The following TUBA4A variants were observed in gnomAD, a reference collection of about 807,000 sequenced individuals.
The protein encoded by TUBA4A is tubulin alpha 4a.
TUBA4A carries 23 observed loss-of-function variants against 34.3 expected under a neutral mutation model. The ratio of observed to expected loss-of-function variants is 0.67; its 90% CI spans 0.48 to 0.95. The LOEUF (loss-of-function observed/expected upper bound fraction) is 0.95, where lower values mean the gene tolerates loss of function less well. TUBA4A is among the 40% of genes least tolerant of loss of function. The probability of loss-of-function intolerance (pLI) is 0.00; values close to 1 mark genes in which losing one functional copy is unlikely to be tolerated. For synonymous variants in TUBA4A, 216 were observed against 230.5 expected, an observed-to-expected ratio of 0.94 and a Z score of 0.57; for missense variants, 279 against 599.0, an observed-to-expected ratio of 0.47 and a Z score of 5.58.
In TUBA4A at chr2:219,251,493, G is replaced by A; in HGVS notation, c.375+72C>T. 6.4e-7 allele frequency: 1 copy of A among 1,566,458 alleles called. No homozygotes were observed. The highest frequency in any genetic ancestry group is 1.2e-5 in the South Asian group (1 of 84,232). ...ATAGTTAGAGATGACCTCCTGAAAGGATCTGAAAAAAAATATTCCTGACCA... is the reference window on the plus strand; with the variant it reads ...ATAGTTAGAGATGACCTCCTGAAAGAATCTGAAAAAAAATATTCCTGACCA... On this transcript the variant is annotated intron_variant, in intron 3 of 3. Coordinates refer to ENST00000248437, the MANE Select transcript of TUBA4A (RefSeq NM_006000.3). This position sits in a 1 kb window ranked among gnomAD's most constrained non-coding sequence, Gnocchi z 6.1.
At chr2:219,253,367 G>T in intron 1 of TUBA4A, 1 of 1,533,962 alleles carries the variant, frequency 6.5e-7, no homozygotes. Context: ...GGGGGGGGTG[G>T]TTCTGTGGAT....
chr2:219,250,766 C>T lies in TUBA4A; in HGVS notation c.933G>A (p.Lys311=). ...QMVKCDPRHG[K]YMACCLLYRG... ...GGTACAGCAGGCAGCAGGCCATGTA[C>T]TTGCCGTGCCGGGGATCACACTTTA... Residue 311 remains lysine, a synonymous_variant, in exon 4 of 4, where the codon AAG becomes AAA. Coordinates refer to ENST00000248437, the MANE Select transcript of TUBA4A (RefSeq NM_006000.3). The surrounding 1 kb of genome is among the most constrained non-coding windows in gnomAD (Gnocchi z 8.4). 1 of 1,614,254 alleles carries T rather than the reference C, an allele frequency of 6.2e-7. No homozygotes were observed. The highest frequency in any genetic ancestry group is 1.3e-5 in the African/African-American group (1 of 75,072).
In TUBA4A at chr2:219,253,342, G is replaced by A; in HGVS notation, c.3+514C>T. 6 of 1,533,492 alleles carry A rather than the reference G, an allele frequency of 3.9e-6. No homozygotes were observed. The South Asian group carries it at 6.0e-5, about 15-fold the overall frequency. 95.0% of individuals were successfully genotyped at this position (1,533,492 alleles called of 1,614,324 possible). On this transcript the variant is annotated intron_variant, in intron 1 of 3. Coordinates refer to ENST00000248437, the MANE Select transcript of TUBA4A (RefSeq NM_006000.3). Reference sequence around the variant, plus strand: ...ACCAACCCTCTCAGCTCAGACGCGGGGTGCTGAGTCACGGGGGGGGGGTGG... The same window carrying A: ...ACCAACCCTCTCAGCTCAGACGCGGAGTGCTGAGTCACGGGGGGGGGGTGG...
In TUBA4A at chr2:219,251,126, G is replaced by T; in HGVS notation, c.573C>A (p.Thr191=). The part of the protein sequence containing the change: ...VVEPYNSILT[T]HTTLEHSDCA... ...AGTCTGAGTGCTCCAGGGTGGTGTGGGTGGTCAGGATAGAGTTGTAGGGCT... is the reference window on the plus strand; with the variant it reads ...AGTCTGAGTGCTCCAGGGTGGTGTGTGTGGTCAGGATAGAGTTGTAGGGCT... The change falls in exon 4 of 4, where the codon ACC becomes ACA. Residue 191 remains threonine (T), a synonymous_variant. Transcript: ENST00000248437. The surrounding 1 kb of genome is among the most constrained non-coding windows in gnomAD (Gnocchi z 6.1). The T allele has an allele frequency of 6.2e-7, 1 of 1,614,176 alleles. No homozygotes were observed. Among genetic ancestry groups the T allele is most frequent in the Non-Finnish European group, 8.5e-7 (1 of 1,180,036 alleles).
intron 1 of TUBA4A, chr2:219,253,458 G>A (rs1951682741): frequency 1.4e-6 from 2 of 1,432,858 alleles, no homozygotes; most frequent in South Asian, 1.2e-5. Flanking sequence ...CCAAGCACGT[G>A]CTCGGTCAGT....
upstream of TUBA4A, chr2:219,254,558 C>T (rs559500391): frequency 2.0e-5 from 3 of 152,340 alleles, no homozygotes; most frequent in Admixed American, 2.0e-4. Flanking sequence ...GGGCCGACCC[C>T]GGAATCTGCC....
rs1206550061 is a variant in TUBA4A, at chr2:219,252,805, A to G, written c.4-575T>C. The G allele has an allele frequency of 2.1e-6, 1 of 471,464 alleles. No homozygotes were observed. The highest frequency in any genetic ancestry group is 4.4e-6 in the Non-Finnish European group (1 of 227,554). 29.2% of individuals were successfully genotyped at this position (471,464 alleles called of 1,614,324 possible). ...ACTTTCATCTCCCGTGTCAGCCCGC[A>G]CGGAAATAGCGGCGGTAATGCTTGT... is the stretch of plus-strand genomic sequence containing the variant. On this transcript the variant is annotated intron_variant, in intron 1 of 3. Coordinates refer to ENST00000248437, the MANE Select transcript of TUBA4A (RefSeq NM_006000.3). The surrounding 1 kb of genome is among the most constrained non-coding windows in gnomAD (Gnocchi z 4.1).
Position 219,251,946 on chromosome 2 carries a change from C to A in TUBA4A, c.226+62G>T. ...AATGCCTGGTCTAAATACCCTCTCT[C>A]TCCAGGGAGAAGCTTTGAGTCATGC... On this transcript the variant is annotated intron_variant, in intron 2 of 3. Coordinates refer to ENST00000248437, the MANE Select transcript of TUBA4A (RefSeq NM_006000.3). This position sits in a 1 kb window ranked among gnomAD's most constrained non-coding sequence, Gnocchi z 6.1. The A allele has an allele frequency of 1.9e-6, 3 of 1,550,860 alleles. No homozygotes were observed. The highest frequency in any genetic ancestry group is 2.7e-6 in the Non-Finnish European group (3 of 1,127,634).
chr2:219,253,613 G>T (rs933640724), intron 1 of TUBA4A, among the ~76,000 whole-genome samples: 5 of 152,106 alleles, frequency 3.3e-5, no homozygotes, highest in African/African-American at 7.2e-5. Context: ...TGCCAGGAAG[G>T]GTTCCTCTCT....
chr2:219,253,711 G>T, intron 1 of TUBA4A, 145 bp downstream of exon 1: 1 of 1,017,388 alleles, frequency 9.8e-7, no homozygotes, highest in East Asian at 2.6e-5. Context: ...CCAGGAGGGG[G>T]TTGGGGAGGG....
In TUBA4A at chr2:219,251,568, C is replaced by T. The variant is rs746442903; in HGVS notation, c.372G>A (p.Lys124=). ...IIDPVLDRIR[K]LSDQCTGLQG... ...CCCTCCCAAGACACACTCTCACCAG[C>T]TTGCGGATCCGATCCAGCACTGGGT... The change falls in exon 3 of 4, where the codon AAG becomes AAA. Residue 124 remains lysine, a synonymous_variant. Coordinates refer to ENST00000248437, the MANE Select transcript of TUBA4A (RefSeq NM_006000.3). This position sits in a 1 kb window ranked among gnomAD's most constrained non-coding sequence, Gnocchi z 6.1. 3.1e-6 allele frequency: 5 copies of T among 1,613,016 alleles called. No individual in the cohort carries two copies. Among genetic ancestry groups the T allele is most frequent in the Non-Finnish European group, 4.2e-6 (5 of 1,179,282 alleles).
rs1184362357 is a variant in TUBA4A, at chr2:219,252,215, C to A, written c.19G>T (p.Val7Phe). 3.7e-6 allele frequency: 6 copies of A among 1,613,932 alleles called. No homozygotes were observed. Among genetic ancestry groups the A allele is most frequent in the Non-Finnish European group, 5.1e-6 (6 of 1,179,812 alleles). MRECIS[V>F]HVGQAGVQMG... is the part of the protein sequence containing the mutation. ...TGGACACCTGCCTGCCCCACGTGGA[C>A]TGAGATGCATTCACGCTGAGGGATA... is the stretch of plus-strand genomic sequence containing the variant. Residue 7 changes from valine (V) to phenylalanine (F), a missense_variant, in exon 2 of 4, where the codon GTC becomes TTC. Coordinates refer to ENST00000248437, the MANE Select transcript of TUBA4A (RefSeq NM_006000.3). The surrounding 1 kb of genome is among the most constrained non-coding windows in gnomAD (Gnocchi z 4.1).
In TUBA4A at chr2:219,251,944, C is replaced by T. The variant is rs950281546; in HGVS notation, c.226+64G>A. The T allele has an allele frequency of 2.6e-6, 4 of 1,539,040 alleles. No homozygotes were observed. In the African/African-American group the frequency reaches 4.1e-5, roughly 16 times the overall value. On this transcript the variant is annotated intron_variant, in intron 2 of 3. Transcript: ENST00000248437. The surrounding 1 kb of genome is among the most constrained non-coding windows in gnomAD (Gnocchi z 6.1). ...GGAATGCCTGGTCTAAATACCCTCTCTCTCCAGGGAGAAGCTTTGAGTCAT... is the reference window on the plus strand; with the variant it reads ...GGAATGCCTGGTCTAAATACCCTCTTTCTCCAGGGAGAAGCTTTGAGTCAT...
upstream of TUBA4A, chr2:219,254,155 C>T: frequency 2.9e-6 from 1 of 345,906 alleles, no homozygotes; most frequent in Non-Finnish European, 5.2e-6. Context: ...TCGTTTTGAG[C>T]AGACACGCTG....
At chr2:219,253,075 C>T (rs750621255) in intron 1 of TUBA4A, 103 of 1,279,622 alleles carry the variant, frequency 8.0e-5, no homozygotes, top group Non-Finnish European at 9.6e-5. Flanking sequence ...CATCCTGCAG[C>T]CCAGCCCTAC....
At position 219,250,898 on chromosome 2, in the gene TUBA4A, G is replaced by A. The variant is rs745777122; in HGVS notation, c.801C>T (p.Phe267=). ...TNLVPYPRIH[F]PLATYAPVIS... is the part of the protein sequence containing the mutation. ...TGACTGGTGCATAGGTGGCCAGGGG[G>A]AAGTGGATGCGAGGGTAGGGCACCA... Residue 267 remains phenylalanine (F), a synonymous_variant, in exon 4 of 4, where the codon TTC becomes TTT. Transcript: ENST00000248437. This position sits in a 1 kb window ranked among gnomAD's most constrained non-coding sequence, Gnocchi z 8.4. 9 of 1,614,068 alleles carry A rather than the reference G, an allele frequency of 5.6e-6. No homozygotes were observed. In the African/African-American group the frequency reaches 1.1e-4, roughly 19 times the overall value.
Position 219,253,905 on chromosome 2 carries a change from T to G in TUBA4A, c.-47A>C. 7.1e-7 allele frequency: 1 copy of G among 1,400,582 alleles called. No individual in the cohort carries two copies. Among genetic ancestry groups the G allele is most frequent in the Non-Finnish European group, 9.3e-7 (1 of 1,073,172 alleles). The allele number at this position is 1,400,582 out of a possible 1,614,324, so 86.8% of individuals were successfully genotyped here. A position where few individuals can be genotyped will look rare whatever the true frequency, so the allele number is the denominator to read the frequency against. On this transcript the variant is annotated 5_prime_UTR_variant, in exon 1 of 4. Transcript: ENST00000248437. ...TCACGTTGAGTCGGGGTGACAGGTC[T>G]CAGTGAGAACTGCGCTAGCTGCAGT...
chr2:219,251,315 C>T lies in TUBA4A; in HGVS notation c.384G>A (p.Gln128=). 3.1e-6 allele frequency: 5 copies of T among 1,603,492 alleles called. No individual in the cohort carries two copies. Among genetic ancestry groups the T allele is most frequent in the Non-Finnish European group, 3.4e-6 (4 of 1,173,422 alleles). ...VLDRIRKLSD[Q]CTGLQGFLVF... ...CCAGGAAGCCCTGAAGTCCTGTGCA[C>T]TGGTCAGACTGAAAGGCAAGAACGA... Residue 128 remains glutamine, a synonymous_variant, in exon 4 of 4, where the codon CAG becomes CAA. Coordinates refer to ENST00000248437, the MANE Select transcript of TUBA4A (RefSeq NM_006000.3). This position sits in a 1 kb window ranked among gnomAD's most constrained non-coding sequence, Gnocchi z 6.1.
At position 219,251,363 on chromosome 2, in the gene TUBA4A, A is replaced by T. The variant is rs1432145333; in HGVS notation, c.376-40T>A. The T allele has an allele frequency of 6.4e-7, 1 of 1,555,796 alleles. No homozygotes were observed. Among genetic ancestry groups the T allele is most frequent in the African/African-American group, 1.4e-5 (1 of 73,078 alleles). On this transcript the variant is annotated intron_variant, in intron 3 of 3. Transcript: ENST00000248437. This position sits in a 1 kb window ranked among gnomAD's most constrained non-coding sequence, Gnocchi z 6.1. ...CGAGAAAGAACAGTTTAGGTAGGGG[A>T]GGGGCCTGAGGGACTCTATCACCTG...
Sources: allele counts gnomAD v4.1 joint callset (sites outside exome capture counted in the v4.1 genomes callset), GRCh38; gene constraint gnomAD v4.1.1; non-coding constraint Gnocchi (gnomAD v3.1); transcripts MANE v1.5; gene names NCBI Gene and HGNC (gene_info 2026-07-23, HGNC 2026-07-21).